Variants in EEF1AKMT2 observed in about 807,000 individuals in gnomAD.
EEF1AKMT2 encodes EEF1A lysine methyltransferase 2, also known as eukaryotic translation elongation factor 1 alpha lysine methyltransferase 2.
Under a neutral mutation model 35.8 loss-of-function variants are expected in EEF1AKMT2, and 32 were observed. The observed-to-expected ratio is 0.89, with a 90% confidence interval of 0.67 to 1.20. The LOEUF (loss-of-function observed/expected upper bound fraction) is 1.20, where lower values mean the gene tolerates loss of function less well. Among genes scored for constraint, EEF1AKMT2 ranks in the 50% most tolerant of loss-of-function variants. The probability of loss-of-function intolerance (pLI) is 0.00; values close to 1 mark genes in which losing one functional copy is unlikely to be tolerated. For missense variants in EEF1AKMT2, 330 were observed against 347.5 expected (o/e 0.95, Z 0.40); for synonymous variants, 121 against 133.7 (o/e 0.91, Z 0.65).
intron 5 of EEF1AKMT2, among the ~76,000 whole-genome samples, chr10:124,762,914 C>A (rs902154621): frequency 3.9e-5 from 6 of 152,142 alleles, no homozygotes; most frequent in Admixed American, 6.5e-5. Flanking sequence ...CCAGGACTAA[C>A]TTTTCAACTC....
chr10:124,791,322 C>A (rs1589796722), intron 1 of EEF1AKMT2, among the ~76,000 whole-genome samples: 1 of 152,226 alleles, frequency 6.6e-6, no homozygotes, highest in East Asian at 1.9e-4. Flanking sequence ...CACATCCCTC[C>A]CCTCCTACTC....
Position 124,780,586 on chromosome 10 carries a change from C to G in EEF1AKMT2, c.292-5804G>C, listed in dbSNP as rs139211551. Among the ~76,000 whole-genome samples, 27 of 151,984 alleles carry G rather than the reference C, an allele frequency of 1.8e-4. No individual in the cohort carries two copies. In the East Asian group the frequency reaches 4.1e-3, roughly 23 times the overall value. The stretch of plus-strand genomic sequence containing the variant: ...CAAAAATGACTTTTAAAAAATTGAA[C>G]CTGTGGAGTTCACGGGGACCTGTGG... On this transcript the variant is annotated intron_variant, in intron 3 of 6. Transcript: ENST00000368836.
chr10:124,780,734 A>G (rs936821848), intron 3 of EEF1AKMT2, among the ~76,000 whole-genome samples: 1 of 152,188 alleles, frequency 6.6e-6, no homozygotes, highest in African/African-American at 2.4e-5. Context: ...GGCAAAAGAC[A>G]TAAGCTTACA....
At chr10:124,790,173 G>C in intron 2 of EEF1AKMT2, 100 bp downstream of exon 2, 1 of 913,638 alleles carries the variant, frequency 1.1e-6, no homozygotes, top group Middle Eastern at 2.2e-4. Flanking sequence ...GATTACAGGC[G>C]TAAGCCACCG....
At chr10:124,782,328 A>G (rs1284071006) in intron 3 of EEF1AKMT2, among the ~76,000 whole-genome samples, 1 of 151,884 alleles carries the variant, frequency 6.6e-6, no homozygotes, top group Non-Finnish European at 1.5e-5. Flanking sequence ...CACGCCTGTA[A>G]TCCCAGCACT....
At chr10:124,770,453 C>G (rs912079132) in intron 4 of EEF1AKMT2, among the ~76,000 whole-genome samples, 1 of 152,104 alleles carries the variant, frequency 6.6e-6, no homozygotes, top group Non-Finnish European at 1.5e-5. Context: ...AAAACACTAA[C>G]AAGCCATCAT....
chr10:124,789,089 G>C lies in EEF1AKMT2; in HGVS notation c.245C>G (p.Ser82Ter). Residue 82 changes from serine (S) to a stop codon, truncating the protein, a stop_gained, in exon 3 of 7, where the codon TCA (serine) becomes TGA (stop). Transcript: ENST00000368836. LOFTEE classifies it high-confidence loss of function. Reference sequence around the variant, plus strand: ...ATTTCCAGTTCCAATATCAAGCACTGAAGCATCCAGTGGAATCTTGTGTTT... The same window carrying C: ...ATTTCCAGTTCCAATATCAAGCACTCAAGCATCCAGTGGAATCTTGTGTTT... ...MQKHKIPLDA[S>*]VLDIGTGNGV... 6.2e-7 allele frequency: 1 copy of C among 1,613,692 alleles called. No individual in the cohort carries two copies. Among genetic ancestry groups the C allele is most frequent in the Non-Finnish European group, 8.5e-7 (1 of 1,179,850 alleles).
downstream of EEF1AKMT2, among the ~76,000 whole-genome samples, chr10:124,757,169 CACACA>C: frequency 4.3e-5 from 1 of 23,404 alleles, no homozygotes; most frequent in East Asian, 8.6e-4. Context: ...CTCCCTCCCA[CACACA>C]CACACACACA....
intron 6 of EEF1AKMT2, among the ~76,000 whole-genome samples, chr10:124,761,208 T>C (rs1950328994): frequency 6.6e-6 from 1 of 152,238 alleles, no homozygotes; most frequent in Admixed American, 6.5e-5. Context: ...TTATTTTGAG[T>C]GCTTCATATG....
chr10:124,789,110 T>C lies in EEF1AKMT2; in HGVS notation c.224A>G (p.His75Arg). The C allele has an allele frequency of 6.2e-7, 1 of 1,613,866 alleles. No homozygotes were observed. The highest frequency in any genetic ancestry group is 8.5e-7 in the Non-Finnish European group (1 of 1,179,914). ...MNRLIRWMQK[H>R]KIPLDASVLD... ...CACTGAAGCATCCAGTGGAATCTTG[T>C]GTTTCTGCATCCACCTTATTAGTCG... Residue 75 changes from histidine (H) to arginine (R), a missense_variant, in exon 3 of 7, where the codon CAC becomes CGC. Physicochemically the swap from His to Arg is conservative, Grantham distance 29. Coordinates refer to ENST00000368836, the MANE Select transcript of EEF1AKMT2 (RefSeq NM_212554.4).
At chr10:124,789,666 G>A (rs974276738) in intron 2 of EEF1AKMT2, among the ~76,000 whole-genome samples, 2 of 151,150 alleles carry the variant, frequency 1.3e-5, no homozygotes, top group Non-Finnish European at 2.9e-5. Flanking sequence ...GTGGCGGGAG[G>A]ATCACCTGGG....
chr10:124,789,935 A>G (rs1047965279), intron 2 of EEF1AKMT2, among the ~76,000 whole-genome samples: 4 of 149,778 alleles, frequency 2.7e-5, no homozygotes, highest in Non-Finnish European at 5.9e-5. Context: ...TCTGTCGCCC[A>G]GGATGGAGTG....
At chr10:124,769,666 G>C (rs1352563387) in intron 4 of EEF1AKMT2, among the ~76,000 whole-genome samples, 1 of 152,124 alleles carries the variant, frequency 6.6e-6, no homozygotes, top group Non-Finnish European at 1.5e-5. Context: ...TGGGTGCCTT[G>C]CCAGGCATGG....
intron 4 of EEF1AKMT2, among the ~76,000 whole-genome samples, chr10:124,770,439 T>C (rs1253332822): frequency 6.6e-6 from 1 of 151,936 alleles, no homozygotes; most frequent in Non-Finnish European, 1.5e-5. Context: ...ACTTTATTGT[T>C]AAAAAAACAC....
chr10:124,763,862 G>A (rs572699915), intron 5 of EEF1AKMT2, among the ~76,000 whole-genome samples: 2 of 152,006 alleles, frequency 1.3e-5, no homozygotes, highest in East Asian at 3.9e-4. Flanking sequence ...ATTGATACAG[G>A]GCCTCAACAG....
chr10:124,789,794 A>G (rs562028680), intron 2 of EEF1AKMT2, among the ~76,000 whole-genome samples: 1 of 152,156 alleles, frequency 6.6e-6, no homozygotes, highest in African/African-American at 2.4e-5. Flanking sequence ...TTAAAAAAGA[A>G]TAAAAGAAGA....
At chr10:124,765,681 A>T in intron 4 of EEF1AKMT2, 73 bp from the exon 5 acceptor site, 2 of 1,121,684 alleles carry the variant, frequency 1.8e-6, no homozygotes, top group Non-Finnish European at 2.6e-6. Flanking sequence ...GACAACCTGT[A>T]AAAGGTTATT....
At chr10:124,762,264 C>G (rs1950338050) in intron 6 of EEF1AKMT2, 36 bp downstream of exon 6, 1 of 1,061,210 alleles carries the variant, frequency 9.4e-7, no homozygotes, top group Non-Finnish European at 1.2e-6. Context: ...TATTATTTTG[C>G]TTTTAAAAAA....
At chr10:124,769,958 AAAAAAAAAAAAAATT>A (rs1020109578) in intron 4 of EEF1AKMT2, among the ~76,000 whole-genome samples, 3 of 149,728 alleles carry the variant, frequency 2.0e-5, no homozygotes, top group Non-Finnish European at 4.4e-5. Flanking sequence ...AAAAAAAAAA[AAAAAAAAAAAAAATT>A]GGGTGCCTTA....
Sources: allele counts gnomAD v4.1 joint callset (sites outside exome capture counted in the v4.1 genomes callset), GRCh38; gene constraint gnomAD v4.1.1; transcripts MANE v1.5; gene names NCBI Gene and HGNC (gene_info 2026-07-23, HGNC 2026-07-21).